The following LARGE1 variants were observed in gnomAD, a reference collection of about 807,000 sequenced individuals.
The protein encoded by LARGE1 is LARGE xylosyl- and glucuronyltransferase 1.
Under a neutral mutation model 87.6 loss-of-function variants are expected in LARGE1, and 43 were observed. The observed-to-expected ratio is 0.49, with a 90% CI of 0.38 to 0.63. The LOEUF (loss-of-function observed/expected upper bound fraction) is 0.63, where lower values mean the gene tolerates loss of function less well. Ranked by LOEUF, LARGE1 falls within the 30% of genes least tolerant of loss-of-function variation. LARGE1 has a pLI of 0.00. For synonymous variants in LARGE1, 434 were observed against 394.6 expected, an observed-to-expected ratio of 1.10 and a Z score of -1.18; for missense variants, 802 against 1,000.2, an observed-to-expected ratio of 0.80 and a Z score of 2.67.
rs138298389 is a variant in LARGE1 at position 33,327,609 on chromosome 22, G to A, written c.1287+10037C>T. On this transcript the variant is annotated intron_variant, in intron 10 of 14. Transcript: ENST00000397394. ...CTTGCTCTGTCGCTCAGGCTAGAGT[G>A]TGGTGGTGCCGTCTCGATTCACTGC... is the stretch of plus-strand genomic sequence containing the variant. Among the ~76,000 whole-genome samples, 1,357 of 152,326 alleles carry A rather than the reference G, an allele frequency of 8.9e-3. 20 individuals carry two copies. The highest frequency in any genetic ancestry group is 0.031 in the African/African-American group (1,298 of 41,584).
At chr22:33,350,176 T>C (rs1442931570) in intron 9 of LARGE1, among the ~76,000 whole-genome samples, 1 of 152,208 alleles carries the variant, frequency 6.6e-6, no homozygotes, top group Non-Finnish European at 1.5e-5. Context: ...CTAATGTTCA[T>C]CATGTTCAAT....
intron 4 of LARGE1, among the ~76,000 whole-genome samples, chr22:33,618,454 G>C (rs1488410221): frequency 6.6e-6 from 1 of 152,166 alleles, no homozygotes; most frequent in Non-Finnish European, 1.5e-5. Flanking sequence ...ACCAGGTCGG[G>C]ATAACATTCA....
intron 6 of LARGE1, among the ~76,000 whole-genome samples, chr22:33,433,607 C>CAAAA (rs57605083): frequency 0.029 from 2,516 of 87,374 alleles, no homozygotes; most frequent in African/African-American, 0.043. Context: ...AAAAACAAAA[C>CAAAA]AAAAAAAAAA....
At chr22:33,838,051 G>A (rs1252300397) in intron 1 of LARGE1, among the ~76,000 whole-genome samples, 1 of 152,190 alleles carries the variant, frequency 6.6e-6, no homozygotes, top group Non-Finnish European at 1.5e-5. Context: ...TGTGTGCCAA[G>A]AAAACTTAAT....
At chr22:33,421,850 A>T (rs557646160) in intron 7 of LARGE1, among the ~76,000 whole-genome samples, 2 of 152,300 alleles carry the variant, frequency 1.3e-5, no homozygotes, top group Admixed American at 1.3e-4. Flanking sequence ...AAGCAGGTGG[A>T]AGAGGGAGTA....
intron 3 of LARGE1, among the ~76,000 whole-genome samples, chr22:33,642,324 G>C (rs1340133174): frequency 6.6e-6 from 1 of 152,070 alleles, no homozygotes; most frequent in Non-Finnish European, 1.5e-5. Context: ...TTACAGACAA[G>C]CAAATCCTCC....
chr22:33,325,065 G>C (rs769409650), intron 10 of LARGE1, among the ~76,000 whole-genome samples: 20 of 152,246 alleles, frequency 1.3e-4, no homozygotes, highest in Admixed American at 3.3e-4. Flanking sequence ...TGCGCGAACA[G>C]AGTAGCTGAG....
In LARGE1 at chr22:33,576,300, G is replaced by A. The variant is rs143027702; in HGVS notation, c.616-11281C>T. Among the ~76,000 whole-genome samples the A allele has an allele frequency of 1.3e-3, 195 of 152,304 alleles. 1 individual carries two copies. The highest frequency in any genetic ancestry group is 4.4e-3 in the African/African-American group (184 of 41,566). On this transcript the variant is annotated intron_variant, in intron 5 of 14. Coordinates refer to ENST00000397394, the MANE Select transcript of LARGE1 (RefSeq NM_133642.5). ...GGGGATATACTGATGCACCTGCTTC[G>A]TTCATTCATTCATTCAACACTTCAG...
intron 1 of LARGE1, among the ~76,000 whole-genome samples, chr22:33,809,424 C>T (rs111694735): frequency 4.6e-5 from 7 of 152,328 alleles, no homozygotes; most frequent in African/African-American, 1.7e-4. Flanking sequence ...TTTTGACCAG[C>T]ACTGGTTCCC....
intron 2 of LARGE1, among the ~76,000 whole-genome samples, chr22:33,716,238 A>C (rs2082903617): frequency 6.6e-6 from 1 of 152,206 alleles, no homozygotes. Flanking sequence ...AATTTTTTGC[A>C]TAAACATATG....
intron 9 of LARGE1, among the ~76,000 whole-genome samples, chr22:33,349,124 A>C (rs1189264573): frequency 1.3e-5 from 2 of 152,122 alleles, no homozygotes; most frequent in Non-Finnish European, 2.9e-5. Context: ...TCTTCATAGA[A>C]GTATGAAGAT....
rs967649752 is a variant in LARGE1, at chr22:33,490,248, C to T, written c.788-57983G>A. On this transcript the variant is annotated intron_variant, in intron 6 of 14. Coordinates refer to ENST00000397394, the MANE Select transcript of LARGE1 (RefSeq NM_133642.5). ...AGGGCTGGGACTGCGTCTTATCCAT[C>T]TTCATTTATTCACGCCAGAAGCTCC... Among the ~76,000 whole-genome samples the T allele has an allele frequency of 3.3e-5, 5 of 152,218 alleles. No homozygotes were observed. The South Asian group carries it at 1.0e-3, about 32-fold the overall frequency.
At chr22:33,105,427 A>C in the LARGE1 span, 1 of 152,084 alleles carries the variant, frequency 6.6e-6, no homozygotes, top group Non-Finnish European at 1.5e-5. Context: ...GCTTTCTTAC[A>C]GCGGGGCCCA....
At chr22:33,561,858 G>T (rs550663488) in intron 6 of LARGE1, among the ~76,000 whole-genome samples, 2 of 152,170 alleles carry the variant, frequency 1.3e-5, no homozygotes, top group Non-Finnish European at 2.9e-5. Flanking sequence ...AGAGGCTGAG[G>T]ATGGGTCTAA....
rs886594373 is a variant in LARGE1, at chr22:33,252,111, T to C, written c.1730+52118A>G. Among the ~76,000 whole-genome samples, 5 of 152,238 alleles carry C rather than the reference T, an allele frequency of 3.3e-5. No individual in the cohort carries two copies. In the East Asian group the frequency reaches 9.6e-4, roughly 29 times the overall value. ...CTAATCTTAGAAATTTTTTATTACC[T>C]CTATATCTGGGATATACTGCATACT... On this transcript the variant is annotated intron_variant, in intron 11 of 11. Transcript: ENST00000608642.
At chr22:33,553,495 G>A (rs1300008775) in intron 6 of LARGE1, among the ~76,000 whole-genome samples, 2 of 152,034 alleles carry the variant, frequency 1.3e-5, no homozygotes, top group African/African-American at 4.8e-5. Context: ...CAGCCTGGGT[G>A]ACACAACAAG....
chr22:33,419,997 A>T (rs558168836), intron 7 of LARGE1, among the ~76,000 whole-genome samples: 1 of 152,162 alleles, frequency 6.6e-6, no homozygotes, highest in Admixed American at 6.5e-5. Flanking sequence ...CCTGACCCAG[A>T]TGAATCTTTG....
chr22:33,530,925 A>G (rs532668600), intron 6 of LARGE1, among the ~76,000 whole-genome samples: 1 of 152,320 alleles, frequency 6.6e-6, no homozygotes, highest in East Asian at 1.9e-4. Flanking sequence ...TACACACCAG[A>G]GACTCAGGAA....
intron 1 of LARGE1, among the ~76,000 whole-genome samples, chr22:33,908,726 T>C (rs572050070): frequency 9.9e-5 from 15 of 152,256 alleles, no homozygotes; most frequent in African/African-American, 3.6e-4. Flanking sequence ...AGACTTGCTG[T>C]CTGTAAGGGA....
Sources: allele counts gnomAD v4.1 joint callset (sites outside exome capture counted in the v4.1 genomes callset), GRCh38; gene constraint gnomAD v4.1.1; transcripts MANE v1.5; gene names NCBI Gene and HGNC (gene_info 2026-07-23, HGNC 2026-07-21).